The following XPOT variants were observed in gnomAD, a reference collection of about 807,000 sequenced individuals.
XPOT encodes the protein exportin for tRNA.
In XPOT, 34 loss-of-function variants were observed where a neutral mutation model predicts 128.2. The observed-to-expected ratio is 0.27, with a 90% confidence interval of 0.20 to 0.35. XPOT has a LOEUF of 0.35. XPOT is among the 10% of genes least tolerant of loss of function. The probability of loss-of-function intolerance (pLI) is 1.00; values close to 1 mark genes in which losing one functional copy is unlikely to be tolerated. For missense variants in XPOT, 838 were observed against 1,125.3 expected (o/e 0.74, Z 3.65); for synonymous variants, 348 against 394.3 (o/e 0.88, Z 1.39).
chr12:64,434,697 C>A, intron 20 of XPOT, 74 bp downstream of exon 20: 1 of 1,522,216 alleles, frequency 6.6e-7, no homozygotes, highest in Non-Finnish European at 9.1e-7. Flanking sequence ...TGGAACATAG[C>A]CCTAACAGAG....
intron 19 of XPOT, among the ~76,000 whole-genome samples, chr12:64,434,232 T>C (rs2040263929): frequency 6.6e-6 from 1 of 152,126 alleles, no homozygotes; most frequent in Non-Finnish European, 1.5e-5. Context: ...ACTCCTGGGC[T>C]CAAGCAATCT....
intron 4 of XPOT, among the ~76,000 whole-genome samples, chr12:64,417,069 T>C (rs964991052): frequency 6.6e-6 from 1 of 151,874 alleles, no homozygotes; most frequent in Non-Finnish European, 1.5e-5. Flanking sequence ...ATACAGAAAC[T>C]AGTCAGATGT....
chr12:64,423,296 T>C lies in XPOT; in HGVS notation c.1182+52T>C. 3.4e-6 allele frequency: 4 copies of C among 1,183,410 alleles called. No homozygotes were observed. In the South Asian group the frequency reaches 5.9e-5, roughly 18 times the overall value. The allele number at this position is 1,183,410 out of a possible 1,614,324, so 73.3% of individuals were successfully genotyped here. A position where few individuals can be genotyped will look rare whatever the true frequency, so the allele number is the denominator to read the frequency against. The stretch of plus-strand genomic sequence containing the variant: ...AAGGAGTTTTAATTTTATTATTATA[T>C]CAAATTAATATTTCAAGTTCTTATT... On this transcript the variant is annotated intron_variant, in intron 11 of 24. Transcript: ENST00000332707.
At chr12:64,427,099 G>T (rs760370228) in intron 15 of XPOT, among the ~76,000 whole-genome samples, 2 of 151,270 alleles carry the variant, frequency 1.3e-5, no homozygotes, top group African/African-American at 4.9e-5. Flanking sequence ...TGTCAGGTCA[G>T]GTAGATGTAC....
Position 64,416,744 on chromosome 12 carries a change from G to A in XPOT, c.190G>A (p.Val64Ile), listed in dbSNP as rs1247718471. The A allele has an allele frequency of 1.2e-6, 2 of 1,613,110 alleles. No individual in the cohort carries two copies. The highest frequency in any genetic ancestry group is 2.2e-5 in the East Asian group (1 of 44,838). The change falls in exon 4 of 25, where the codon GTT (valine) becomes ATT (isoleucine). Residue 64 changes from valine to isoleucine, a missense_variant. This residue lies in a region of XPOT where 761 missense variants were observed against 988.3 expected (regional missense o/e 0.77). Transcript: ENST00000332707. ...CTGCTTTCAAGTACTGGAACATCAA[G>A]TTAAATACAAGTAAGGCTTTTCTTA... ...FFCFQVLEHQ[V>I]KYKYSELTTV...
chr12:64,431,834 C>T lies in XPOT; in HGVS notation c.2262+11C>T. 1 of 1,604,188 alleles carries T rather than the reference C, an allele frequency of 6.2e-7. No homozygotes were observed. The highest frequency in any genetic ancestry group is 8.5e-7 in the Non-Finnish European group (1 of 1,174,354). The stretch of plus-strand genomic sequence containing the variant: ...ACGGCCAAATTCAAGGTACCGCAAA[C>T]TTTCAGAGCTCTGAAAATCTCTTGA... On this transcript the variant is annotated intron_variant, in intron 18 of 24. Transcript: ENST00000332707.
rs768008496 is a variant in XPOT, at chr12:64,425,776, G to GA, written c.1573-33dup. ...GCAGGACAATATCAACAAAACCCTT[G>GA]AAAAAATGCAGAAATAGTAAAAGTG... is the stretch of plus-strand genomic sequence containing the variant. On this transcript the variant is annotated intron_variant, in intron 14 of 24. Transcript: ENST00000332707. 8 of 1,593,978 alleles carry GA rather than the reference G, an allele frequency of 5.0e-6. No homozygotes were observed. The South Asian group carries it at 6.6e-5, about 13-fold the overall frequency.
rs2040407578 is a variant in XPOT, at chr12:64,450,930, C to T, written c.*2799C>T. ...AACATGTGAATGAAGGCCTGTGGCT[C>T]AGTTAATCACTCCCACAACTTTGAG... On this transcript the variant is annotated 3_prime_UTR_variant, in exon 25 of 25. Transcript: ENST00000332707. The T allele has an allele frequency of 6.6e-6, 1 of 152,174 alleles. No homozygotes were observed. Among genetic ancestry groups the T allele is most frequent in the Non-Finnish European group, 1.5e-5 (1 of 68,034 alleles). The allele number at this position is 152,174 out of a possible 1,614,324, so 9.4% of individuals were successfully genotyped here. A position where few individuals can be genotyped will look rare whatever the true frequency, so the allele number is the denominator to read the frequency against.
At chr12:64,420,281 A>G in intron 7 of XPOT, 27 bp downstream of exon 7, 1 of 1,591,718 alleles carries the variant, frequency 6.3e-7, no homozygotes, top group South Asian at 1.1e-5. Flanking sequence ...TTTTTATAGT[A>G]TAAACTTGTA....
At position 64,420,015 on chromosome 12, in the gene XPOT, A is replaced by G. The variant is rs2040123313; in HGVS notation, c.490-55A>G. Reference sequence around the variant, plus strand: ...TTACTCTCTGCAAGTATATTCAGATATCAAACATGATTTTGTAAGGTAATC... The same window carrying G: ...TTACTCTCTGCAAGTATATTCAGATGTCAAACATGATTTTGTAAGGTAATC... On this transcript the variant is annotated intron_variant, in intron 6 of 24. Coordinates refer to ENST00000332707, the MANE Select transcript of XPOT (RefSeq NM_007235.6). The G allele has an allele frequency of 1.4e-5, 21 of 1,484,898 alleles. No homozygotes were observed. The South Asian group carries it at 2.8e-4, about 20-fold the overall frequency. The allele number at this position is 1,484,898 out of a possible 1,614,324, so 92.0% of individuals were successfully genotyped here.
intron 23 of XPOT, among the ~76,000 whole-genome samples, chr12:64,440,815 G>C (rs1355303750): frequency 6.6e-6 from 1 of 152,030 alleles, no homozygotes; most frequent in Non-Finnish European, 1.5e-5. Flanking sequence ...TTTTGCTATT[G>C]AATTAGAGGA....
rs1488483978 is a variant in XPOT, at chr12:64,450,152, ACTTTTTTTTT to A, written c.*2032_*2041del. 1 of 151,950 alleles carries A rather than the reference ACTTTTTTTTT, an allele frequency of 6.6e-6. No homozygotes were observed. The highest frequency in any genetic ancestry group is 1.5e-5 in the Non-Finnish European group (1 of 68,010). The allele number at this position is 151,950 out of a possible 1,614,324, so 9.4% of individuals were successfully genotyped here. On this transcript the variant is annotated 3_prime_UTR_variant, in exon 25 of 25. Transcript: ENST00000332707. ...TATGGAATTAATAGTGTATCACTAT[ACTTTTTTTTT>A]CTTTTTTTTTTTTGAATAGAGATCA...
rs1042416899 is a variant in XPOT at position 64,425,341 on chromosome 12, G to C, written c.1456G>C (p.Val486Leu). The change falls in exon 14 of 25, where the codon GTA becomes CTA. Residue 486 changes from valine (V) to leucine (L), a missense_variant. Physicochemically the swap from Val to Leu is conservative, Grantham distance 32. Coordinates refer to ENST00000332707, the MANE Select transcript of XPOT (RefSeq NM_007235.6). ...TCCTAACTTTTTCCTGATCTAGCTGGTAACATCAGGAGTCAGTTCCTATCA... is the reference window on the plus strand; with the variant it reads ...TCCTAACTTTTTCCTGATCTAGCTGCTAACATCAGGAGTCAGTTCCTATCA... ...SALQDMMRTL[V>L]TSGVSSYQHT... 2.5e-6 allele frequency: 4 copies of C among 1,612,102 alleles called. No individual in the cohort carries two copies. Among genetic ancestry groups the C allele is most frequent in the Non-Finnish European group, 3.4e-6 (4 of 1,179,654 alleles).
chr12:64,407,590 A>G (rs970067017), intron 1 of XPOT, among the ~76,000 whole-genome samples: 1 of 152,184 alleles, frequency 6.6e-6, no homozygotes, highest in Non-Finnish European at 1.5e-5. Flanking sequence ...GTTGGACAAT[A>G]GAGGTCAAAG....
Position 64,449,958 on chromosome 12 carries a change from TAAAG to T in XPOT, c.*1830_*1833del, listed in dbSNP as rs2136045303. On this transcript the variant is annotated 3_prime_UTR_variant, in exon 25 of 25. Coordinates refer to ENST00000332707, the MANE Select transcript of XPOT (RefSeq NM_007235.6). Reference sequence around the variant, plus strand: ...ACTGGTTTTAGAACCTTGGGCAAGTTAAAGAATGTCTCCCAGCCTCAGTTTCCCT... The same window carrying T: ...ACTGGTTTTAGAACCTTGGGCAAGTTAATGTCTCCCAGCCTCAGTTTCCCT... 6.6e-6 allele frequency: 1 copy of T among 152,310 alleles called. No homozygotes were observed. The highest frequency in any genetic ancestry group is 2.1e-4 in the South Asian group (1 of 4,826). The allele number at this position is 152,310 out of a possible 1,614,324, so 9.4% of individuals were successfully genotyped here. A position where few individuals can be genotyped will look rare whatever the true frequency, so the allele number is the denominator to read the frequency against.
chr12:64,444,639 G>A (rs765411011), intron 23 of XPOT, among the ~76,000 whole-genome samples: 1 of 152,144 alleles, frequency 6.6e-6, no homozygotes, highest in African/African-American at 2.4e-5. Context: ...CCAGGGGCTG[G>A]AGTAGGGGAA....
chr12:64,449,743 AATAG>A lies in XPOT; in HGVS notation c.*1616_*1619del, dbSNP rs2040395155. 1 of 152,246 alleles carries A rather than the reference AATAG, an allele frequency of 6.6e-6. No individual in the cohort carries two copies. Among genetic ancestry groups the A allele is most frequent in the Non-Finnish European group, 1.5e-5 (1 of 68,042 alleles). The allele number at this position is 152,246 out of a possible 1,614,324, so 9.4% of individuals were successfully genotyped here. On this transcript the variant is annotated 3_prime_UTR_variant, in exon 25 of 25. Transcript: ENST00000332707. ...TACTTTAATAAAAAATGTTTTCAGA[AATAG>A]ATAAGTGAAAGCTGAGTGTTTCTTT... is the stretch of plus-strand genomic sequence containing the variant.
intron 1 of XPOT, 33 bp from the exon 2 acceptor site, chr12:64,409,929 A>T: frequency 1.2e-6 from 1 of 817,394 alleles, no homozygotes; most frequent in Non-Finnish European, 2.1e-6. Flanking sequence ...TTTATCAAGT[A>T]ATGTTTTCTT....
intron 22 of XPOT, 50 bp from the exon 23 acceptor site, chr12:64,439,194 C>T (rs200331932): frequency 6.5e-7 from 1 of 1,538,480 alleles, no homozygotes; most frequent in East Asian, 2.2e-5. Flanking sequence ...TCTTTTTAAG[C>T]TTATTAATGT....
Sources: allele counts gnomAD v4.1 joint callset (sites outside exome capture counted in the v4.1 genomes callset), GRCh38; gene constraint gnomAD v4.1.1; regional missense constraint gnomAD v4.1.1; transcripts MANE v1.5; gene names NCBI Gene and HGNC (gene_info 2026-07-23, HGNC 2026-07-21).